Variants in XYLT1 observed in about 807,000 individuals in gnomAD.
XYLT1 encodes xylosyltransferase 1, also known as beta-D-xylosyltransferase 1.
In XYLT1, 36 loss-of-function variants were observed where a neutral mutation model predicts 91.3. That is an observed-to-expected ratio of 0.39 (90% CI 0.30 to 0.52). The LOEUF (loss-of-function observed/expected upper bound fraction) is 0.52. Among genes scored for constraint, XYLT1 ranks in the 20% least tolerant of loss-of-function variants. The probability of loss-of-function intolerance (pLI) is 0.68; values close to 1 mark genes in which losing one functional copy is unlikely to be tolerated. For synonymous variants in XYLT1, 588 were observed against 532.0 expected (o/e 1.11, Z -1.45); for missense variants, 1,242 against 1,284.5 (o/e 0.97, Z 0.51).
chr16:17,121,829 T>C (rs1485733638), intron 10 of XYLT1, among the ~76,000 whole-genome samples: 2 of 152,180 alleles, frequency 1.3e-5, no homozygotes, highest in East Asian at 1.9e-4. Context: ...CTCCCTCTTA[T>C]GAGTGAGAAC....
Position 17,312,714 on chromosome 16 carries a change from T to C in XYLT1, c.402+45298A>G, listed in dbSNP as rs2034569179. The stretch of plus-strand genomic sequence containing the variant: ...TGTTTAATCTTCACAGCAATCCTAT[T>C]ATCCCATTTTGCAGATGGGAAAACT... On this transcript the variant is annotated intron_variant, in intron 2 of 11. Coordinates refer to ENST00000261381, the MANE Select transcript of XYLT1 (RefSeq NM_022166.4). This position sits in a 1 kb window ranked among gnomAD's most constrained non-coding sequence, Gnocchi z 4.4. Among the ~76,000 whole-genome samples, 1 of 152,236 alleles carries C rather than the reference T, an allele frequency of 6.6e-6. No individual in the cohort carries two copies.
At chr16:17,431,458 A>G (rs141128561) in intron 1 of XYLT1, among the ~76,000 whole-genome samples, 1,704 of 152,322 alleles carry the variant, frequency 0.011, 28 homozygotes, top group African/African-American at 0.039. Flanking sequence ...GAAAAGAAGG[A>G]AAACCTACTA....
chr16:17,296,508 T>A (rs1201894831), intron 2 of XYLT1, among the ~76,000 whole-genome samples: 1 of 152,066 alleles, frequency 6.6e-6, no homozygotes, highest in Non-Finnish European at 1.5e-5. Flanking sequence ...CAAAGGCTAA[T>A]CAGCCAAGGC....
chr16:17,435,958 T>A (rs2036454049), intron 1 of XYLT1, among the ~76,000 whole-genome samples: 1 of 152,172 alleles, frequency 6.6e-6, no homozygotes, highest in African/African-American at 2.4e-5. Flanking sequence ...AAATCTCACC[T>A]TGAATTGTAA....
chr16:17,118,273 T>TGAATGAATGAAC (rs145715188), intron 10 of XYLT1, among the ~76,000 whole-genome samples: 33,548 of 96,600 alleles, frequency 0.35, 4,506 homozygotes, highest in East Asian at 0.65. Flanking sequence ...GCTGAATGAG[T>TGAATGAATGAAC]GAATGAATGA....
In XYLT1 at chr16:17,127,828, G is replaced by T; in HGVS notation, c.2061C>A (p.His687Gln). 6.2e-7 allele frequency: 1 copy of T among 1,614,078 alleles called. No individual in the cohort carries two copies. The highest frequency in any genetic ancestry group is 8.5e-7 in the Non-Finnish European group (1 of 1,179,992). The stretch of plus-strand genomic sequence containing the variant: ...GGAAGCGGTCAGCAAGGAAGTAGAG[G>T]TGCACAGATGCTGGGTGGCCCATTG... ...YYPMGHPASV[H>Q]LYFLADRFQG... Residue 687 changes from histidine (H) to glutamine (Q), a missense_variant, in exon 10 of 12, where the codon CAC (histidine) becomes CAA (glutamine). This residue lies in a region of XYLT1 where 511 missense variants were observed against 497.0 expected (regional missense o/e 1.03). Coordinates refer to ENST00000261381, the MANE Select transcript of XYLT1 (RefSeq NM_022166.4).
intron 4 of XYLT1, among the ~76,000 whole-genome samples, chr16:17,199,425 C>G (rs1487476913): frequency 1.3e-5 from 2 of 152,210 alleles, no homozygotes; most frequent in Non-Finnish European, 2.9e-5. Context: ...GTGACAGAGA[C>G]TATGTGCCCT....
intron 1 of XYLT1, among the ~76,000 whole-genome samples, chr16:17,388,927 T>C (rs1245202380): frequency 6.6e-6 from 1 of 152,192 alleles, no homozygotes; most frequent in East Asian, 1.9e-4. Context: ...AAGCATGTTG[T>C]TCTGATTGAT....
At chr16:17,268,670 T>C in intron 2 of XYLT1, among the ~76,000 whole-genome samples, 1 of 150,808 alleles carries the variant, frequency 6.6e-6, no homozygotes, top group East Asian at 1.9e-4. Flanking sequence ...ATAAATACTT[T>C]TTTTTTTTTT....
intron 3 of XYLT1, among the ~76,000 whole-genome samples, chr16:17,232,075 A>G (rs2033164833): frequency 6.8e-6 from 1 of 147,272 alleles, no homozygotes; most frequent in Non-Finnish European, 1.5e-5. Flanking sequence ...AGATATTATA[A>G]TCTTATTATA....
intron 5 of XYLT1, among the ~76,000 whole-genome samples, chr16:17,186,913 A>G (rs11647504): frequency 0.24 from 36,049 of 151,916 alleles, 5,029 homozygotes; most frequent in African/African-American, 0.39. Context: ...ACAGATGGGG[A>G]TGAACACGGA....
At position 17,259,412 on chromosome 16, in the gene XYLT1, G is replaced by A. The variant is rs530501148; in HGVS notation, c.489C>T (p.Val163=). ...ENSVPKDFEN[V]DNSNFAPRTQ... ...TCCTGGGTGCGAAGTTGCTGTTGTC[G>A]ACATTCTCAAAGTCTTTGGGGACAG... The change falls in exon 3 of 12, where the codon GTC becomes GTT. Residue 163 remains valine (V), a synonymous_variant. Coordinates refer to ENST00000261381, the MANE Select transcript of XYLT1 (RefSeq NM_022166.4). 1.2e-5 allele frequency: 20 copies of A among 1,613,950 alleles called. No homozygotes were observed. Among genetic ancestry groups the A allele is most frequent in the African/African-American group, 5.3e-5 (4 of 74,878 alleles).
In XYLT1 at chr16:17,400,985, T is replaced by TACAC. The variant is rs71373111; in HGVS notation, c.364-42939_364-42936dup. On this transcript the variant is annotated intron_variant, in intron 1 of 11. Transcript: ENST00000261381. ...TCTCTCTGTCTCACTCTCTCTTTCA[T>TACAC]ACACACACACACACACACACACACA... Among the ~76,000 whole-genome samples, 1,371 of 148,780 alleles carry TACAC rather than the reference T, an allele frequency of 9.2e-3. 21 individuals carry two copies. Among genetic ancestry groups the TACAC allele is most frequent in the African/African-American group, 0.031 (1,260 of 40,712 alleles).
At chr16:17,462,466 C>T (rs2036836120) in intron 1 of XYLT1, among the ~76,000 whole-genome samples, 1 of 152,184 alleles carries the variant, frequency 6.6e-6, no homozygotes, top group Non-Finnish European at 1.5e-5. Flanking sequence ...GGCAACCGAA[C>T]CCAGAGAGCA....
chr16:17,280,148 T>C (rs4782014), intron 2 of XYLT1, among the ~76,000 whole-genome samples: 100,909 of 152,112 alleles, frequency 0.66, 35,757 homozygotes, highest in African/African-American at 0.92. Context: ...GTCAGGAGTT[T>C]GAGACCAGCC....
intron 1 of XYLT1, among the ~76,000 whole-genome samples, chr16:17,365,113 A>G (rs1567394491): frequency 6.6e-6 from 1 of 152,196 alleles, no homozygotes; most frequent in Non-Finnish European, 1.5e-5. Context: ...TGCACCCCCA[A>G]GAAATTTCCA....
chr16:17,441,241 T>C (rs2036528345), intron 1 of XYLT1, among the ~76,000 whole-genome samples: 1 of 152,046 alleles, frequency 6.6e-6, no homozygotes, highest in African/African-American at 2.4e-5. Flanking sequence ...TTATTGTTAT[T>C]ATCACTATCA....
chr16:17,150,602 G>A (rs544387470), intron 6 of XYLT1, among the ~76,000 whole-genome samples: 1 of 152,308 alleles, frequency 6.6e-6, no homozygotes, highest in African/African-American at 2.4e-5. Context: ...TGAAGGAACA[G>A]AGACACAGAA....
At chr16:17,331,214 C>A (rs1442734861) in intron 2 of XYLT1, among the ~76,000 whole-genome samples, 1 of 152,254 alleles carries the variant, frequency 6.6e-6, no homozygotes, top group East Asian at 1.9e-4. Context: ...CTACAGCACA[C>A]AAGGCCTTCT....
Sources: allele counts gnomAD v4.1 joint callset (sites outside exome capture counted in the v4.1 genomes callset), GRCh38; gene constraint gnomAD v4.1.1; regional missense constraint gnomAD v4.1.1; non-coding constraint Gnocchi (gnomAD v3.1); transcripts MANE v1.5; gene names NCBI Gene and HGNC (gene_info 2026-07-23, HGNC 2026-07-21).